RPS6KA3: variants seen among roughly 807,000 people sequenced by gnomAD.
RPS6KA3 encodes ribosomal protein S6 kinase alpha-3.
Under a neutral mutation model 67.2 loss-of-function variants are expected in RPS6KA3, and 4 were observed. That is an observed-to-expected ratio of 0.06 (90% confidence interval 0.03 to 0.14). RPS6KA3 has a LOEUF of 0.14. Among genes scored for constraint, RPS6KA3 ranks in the 10% least tolerant of loss-of-function variants. The probability of loss-of-function intolerance (pLI) is 1.00; values close to 1 mark genes in which losing one functional copy is unlikely to be tolerated. For synonymous variants in RPS6KA3, 182 were observed against 183.7 expected (o/e 0.99, Z 0.07); for missense variants, 204 against 559.0 (o/e 0.36, Z 6.40).
chrX:20,195,247 G>T, intron 4 of RPS6KA3, 102 bp from the exon 5 acceptor site: 2 of 489,447 alleles, frequency 4.1e-6, no homozygotes, highest in South Asian at 6.6e-5. Context: ...TTGCTTATGT[G>T]TATTAAAATG....
chrX:20,182,094 C>T (rs1007979150), intron 10 of RPS6KA3, among the ~76,000 whole-genome samples: 37 of 111,190 alleles, frequency 3.3e-4, no homozygotes, highest in African/African-American at 1.1e-3. Flanking sequence ...CAAAAAACCC[C>T]GAACAAAAAC....
chrX:20,220,756 A>G (rs763410385), intron 2 of RPS6KA3, among the ~76,000 whole-genome samples: 1 of 111,536 alleles, frequency 9.0e-6, no homozygotes, highest in South Asian at 3.8e-4. Flanking sequence ...AGACACCAAA[A>G]TCTGAAATAA....
chrX:20,192,841 C>T (rs781039984), intron 7 of RPS6KA3, among the ~76,000 whole-genome samples: 1 of 110,149 alleles, frequency 9.1e-6, no homozygotes, highest in South Asian at 3.9e-4. Context: ...AATTCAGCCT[C>T]CCAAAGTGCT....
chrX:20,194,366 T>C (rs192583806), intron 5 of RPS6KA3, 98 bp from the exon 6 acceptor site: 403 of 523,964 alleles, frequency 7.7e-4, no homozygotes, highest in Non-Finnish European at 1.1e-3. Context: ...ATTAATTATA[T>C]CAAATGTCCA....
rs2068214185 is a variant in RPS6KA3, at chrX:20,194,219, T to A, written c.456A>T (p.Gly152=). ...TGGATAAGCGTGTAAACAAATCTCC[T>A]CCCCTGAGAAAATCCAAAATAAGAT... ...KLYLILDFLR[G]GDLFTRLSKE... The change falls in exon 6 of 22, where the codon GGA becomes GGT. Residue 152 remains glycine, a synonymous_variant. Coordinates refer to ENST00000379565, the MANE Select transcript of RPS6KA3 (RefSeq NM_004586.3). The A allele has an allele frequency of 8.4e-7, 1 of 1,189,081 alleles. No homozygotes were observed. Among genetic ancestry groups the A allele is most frequent in the African/African-American group, 1.8e-5 (1 of 56,893 alleles).
chrX:20,178,481 GTTTTTT>G (rs59662504), intron 10 of RPS6KA3, among the ~76,000 whole-genome samples: 2 of 84,444 alleles, frequency 2.4e-5, no homozygotes, highest in African/African-American at 9.0e-5. Context: ...AAACAAATCA[GTTTTTT>G]TTTTTTTTTT....
intron 1 of RPS6KA3, among the ~76,000 whole-genome samples, chrX:20,237,367 CG>C (rs2069439922): frequency 9.0e-6 from 1 of 111,598 alleles, no homozygotes; most frequent in Admixed American, 9.6e-5. Flanking sequence ...GCTACACGTA[CG>C]TTTTTCATAG....
intron 1 of RPS6KA3, among the ~76,000 whole-genome samples, chrX:20,237,065 TG>T (rs766724539): frequency 1.8e-5 from 2 of 112,010 alleles, no homozygotes; most frequent in East Asian, 5.6e-4. Context: ...TTCAGAGGGT[TG>T]TAGTAAAGAC....
chrX:20,214,879 C>T (rs2148746235), intron 2 of RPS6KA3, among the ~76,000 whole-genome samples: 1 of 101,307 alleles, frequency 9.9e-6, no homozygotes, highest in South Asian at 4.8e-4. Context: ...CACTCTGTCA[C>T]CCACGCTGGA....
At position 20,256,763 on chromosome X, in the gene RPS6KA3, T is replaced by C. The variant is rs755879321; in HGVS notation, c.69+9801A>G. On this transcript the variant is annotated intron_variant, in intron 1 of 21. Coordinates refer to ENST00000379565, the MANE Select transcript of RPS6KA3 (RefSeq NM_004586.3). ...TCTCTATTGTGAACAGCATTCCTAG[T>C]TCATGCCAGGATCACATCATCTCTA... Among the ~76,000 whole-genome samples the C allele has an allele frequency of 3.6e-5, 4 of 112,032 alleles. No individual in the cohort carries two copies. The East Asian group carries it at 1.1e-3, about 31-fold the overall frequency.
chrX:20,208,481 C>T (rs190155929), intron 3 of RPS6KA3, among the ~76,000 whole-genome samples: 132 of 111,229 alleles, frequency 1.2e-3, no homozygotes, highest in African/African-American at 4.1e-3. Flanking sequence ...TTTGGGAGGC[C>T]GAGGCAAGTG....
At chrX:20,222,325 A>T (rs950659733) in intron 2 of RPS6KA3, among the ~76,000 whole-genome samples, 1 of 112,065 alleles carries the variant, frequency 8.9e-6, no homozygotes, top group African/African-American at 3.2e-5. Flanking sequence ...CTTAGACCCA[A>T]GAAATTTGGG....
At chrX:20,166,586 T>A (rs1440387435) in intron 17 of RPS6KA3, among the ~76,000 whole-genome samples, 1 of 111,124 alleles carries the variant, frequency 9.0e-6, no homozygotes, top group Non-Finnish European at 1.9e-5. Flanking sequence ...ACATAATTTG[T>A]CAACTAAAAA....
intron 5 of RPS6KA3, among the ~76,000 whole-genome samples, chrX:20,194,676 C>T (rs923680687): frequency 1.8e-5 from 2 of 110,689 alleles, no homozygotes; most frequent in Non-Finnish European, 3.8e-5. Flanking sequence ...CATATGGCTT[C>T]GGGGAAAAGA....
intron 10 of RPS6KA3, among the ~76,000 whole-genome samples, chrX:20,180,270 G>T (rs763000186): frequency 9.0e-6 from 1 of 110,509 alleles, no homozygotes; most frequent in African/African-American, 3.3e-5. Context: ...CTTAAAGTGG[G>T]GGCAACCAGG....
At chrX:20,247,804 A>G (rs1204279107) in intron 1 of RPS6KA3, among the ~76,000 whole-genome samples, 8 of 110,957 alleles carry the variant, frequency 7.2e-5, no homozygotes, top group Non-Finnish European at 1.5e-4. Context: ...AAAAAAAAAA[A>G]AAAGAAAAAT....
At chrX:20,191,491 T>C (rs1193985769) in intron 7 of RPS6KA3, among the ~76,000 whole-genome samples, 1 of 111,668 alleles carries the variant, frequency 9.0e-6, no homozygotes, top group African/African-American at 3.3e-5. Flanking sequence ...CCACCAACAG[T>C]GTAAAAGCGG....
chrX:20,195,588 G>A (rs1453639409), intron 4 of RPS6KA3, among the ~76,000 whole-genome samples: 2 of 111,848 alleles, frequency 1.8e-5, no homozygotes. Flanking sequence ...AGGCAGACAT[G>A]GGGTAAAGGA....
intron 2 of RPS6KA3, among the ~76,000 whole-genome samples, chrX:20,221,442 A>G (rs2068985629): frequency 8.9e-6 from 1 of 112,057 alleles, no homozygotes; most frequent in South Asian, 3.7e-4. Flanking sequence ...ACAAAAAGGG[A>G]AAAAATTTAA....
Sources: allele counts gnomAD v4.1 joint callset (sites outside exome capture counted in the v4.1 genomes callset), GRCh38; gene constraint gnomAD v4.1.1; transcripts MANE v1.5; gene names NCBI Gene and HGNC (gene_info 2026-07-23, HGNC 2026-07-21).